The following BAHCC1 variants were observed in gnomAD, a reference collection of about 807,000 sequenced individuals.
BAHCC1 encodes the protein BAH and coiled-coil domain-containing protein 1.
Under a neutral mutation model 88.2 loss-of-function variants are expected in BAHCC1, and 43 were observed. The observed-to-expected ratio is 0.49, with a 90% CI of 0.38 to 0.63. BAHCC1 has a LOEUF of 0.63. BAHCC1 is among the 20% of genes least tolerant of loss of function. BAHCC1 has a pLI of 0.00. For missense variants in BAHCC1, 3,023 were observed against 1,654.8 expected (o/e 1.83, Z -14.34); for synonymous variants, 1,510 against 745.5 (o/e 2.03, Z -16.71).
intron 11 of BAHCC1, among the ~76,000 whole-genome samples, chr17:81,449,972 G>A (rs916523802): frequency 5.1e-4 from 78 of 152,218 alleles, no homozygotes; most frequent in Non-Finnish European, 8.4e-4. Flanking sequence ...TCTCAGGTGC[G>A]TGCCCCAGCT....
Position 81,399,516 on chromosome 17 carries a change from C to G in BAHCC1, c.-206-18C>G, listed in dbSNP as rs533193626. The G allele has an allele frequency of 2.9e-6, 1 of 342,344 alleles. No homozygotes were observed. The highest frequency in any genetic ancestry group is 2.3e-5 in the African/African-American group (1 of 44,414). The allele number at this position is 342,344 out of a possible 1,614,324, so 21.2% of individuals were successfully genotyped here. On this transcript the variant is annotated intron_variant, in intron 1 of 27. Coordinates refer to ENST00000675386, the MANE Select transcript of BAHCC1 (RefSeq NM_001377448.1). The surrounding 1 kb of genome is among the most constrained non-coding windows in gnomAD (Gnocchi z 4.5). The stretch of plus-strand genomic sequence containing the variant: ...AGCCCCCCAGTCACCCGTGTCTCCT[C>G]TGCTTTTGCCTCCACAGACCATGGA...
intron 26 of BAHCC1, 49 bp downstream of exon 26, chr17:81,462,095 G>C (rs1220316475): frequency 1.4e-6 from 1 of 691,052 alleles, no homozygotes; most frequent in Non-Finnish European, 2.6e-6. Context: ...AAGGAAACCG[G>C]GGCGGGCTCA....
intron 26 of BAHCC1, 174 bp from the exon 27 acceptor site, chr17:81,462,566 T>C: frequency 1.7e-6 from 1 of 584,276 alleles, no homozygotes; most frequent in South Asian, 2.1e-5. Flanking sequence ...TCCAGATCCA[T>C]GGCTGCCATG....
chr17:81,444,568 G>A lies in BAHCC1; in HGVS notation c.2512G>A (p.Gly838Ser), dbSNP rs782740635. Residue 838 changes from glycine (G) to serine (S), a missense_variant and splice_region_variant, in exon 7 of 28, where the codon GGC becomes AGC. Gly to Ser is a moderately conservative substitution (Grantham distance 56). Transcript: ENST00000675386. ...PSLWMGGHSY[G>S]LGHPALHQNL... ...CCTGTGGATGGGGGGGCACTCCTAC[G>A]GTCAGTGATCCAAGGGCGGGGGCTG... is the stretch of plus-strand genomic sequence containing the variant. The A allele has an allele frequency of 2.2e-5, 16 of 731,162 alleles. No individual in the cohort carries two copies. Among genetic ancestry groups the A allele is most frequent in the African/African-American group, 6.8e-5 (4 of 58,398 alleles). The allele number at this position is 731,162 out of a possible 1,614,324, so 45.3% of individuals were successfully genotyped here.
chr17:81,410,832 G>A (rs185167795), intron 2 of BAHCC1, among the ~76,000 whole-genome samples: 14 of 152,218 alleles, frequency 9.2e-5, no homozygotes, highest in African/African-American at 2.9e-4. Flanking sequence ...CCCCAGTCTC[G>A]GGGCGGGGGT....
chr17:81,420,710 G>T lies in BAHCC1; in HGVS notation c.179-6090G>T, dbSNP rs149742451. Among the ~76,000 whole-genome samples, 1,081 of 152,384 alleles carry T rather than the reference G, an allele frequency of 7.1e-3. 9 individuals are homozygous for T. Among genetic ancestry groups the T allele is most frequent in the Middle Eastern group, 0.024 (7 of 294 alleles). ...GGATCTAGAGCTGCAAACCCGGCCT[G>T]GGCCGGCTGGGCAGTGGGGGCAGCC... On this transcript the variant is annotated intron_variant, in intron 2 of 27. Transcript: ENST00000675386.
At position 81,427,341 on chromosome 17, in the gene BAHCC1, G is replaced by A. The variant is rs979187610; in HGVS notation, c.358+362G>A. On this transcript the variant is annotated intron_variant, in intron 3 of 27. Transcript: ENST00000675386. ...GTGGCCGTGCCCCACCTCCCCAGACGCTAGGAGGCGGGCTCCAAATGTGCC... is the reference window on the plus strand; with the variant it reads ...GTGGCCGTGCCCCACCTCCCCAGACACTAGGAGGCGGGCTCCAAATGTGCC... 4.6e-5 allele frequency among the ~76,000 whole-genome samples: 7 copies of A among 152,166 alleles called. No homozygotes were observed. In the East Asian group the frequency reaches 5.8e-4, roughly 13 times the overall value.
intron 2 of BAHCC1, among the ~76,000 whole-genome samples, chr17:81,418,784 TGTAC>T (rs2064069804): frequency 8.2e-6 from 1 of 121,598 alleles, no homozygotes; most frequent in African/African-American, 3.2e-5. Flanking sequence ...TACGTGTGTG[TGTAC>T]GTGTGTGCGT....
intron 1 of BAHCC1, among the ~76,000 whole-genome samples, chr17:81,398,646 G>A (rs1555645293): frequency 6.6e-6 from 1 of 152,242 alleles, no homozygotes; most frequent in South Asian, 2.1e-4. Flanking sequence ...ATCCGCAGAG[G>A]AAGATCCTGG....
At chr17:81,406,716 G>A (rs1284602050) in intron 2 of BAHCC1, among the ~76,000 whole-genome samples, 1 of 152,236 alleles carries the variant, frequency 6.6e-6, no homozygotes, top group Non-Finnish European at 1.5e-5. Context: ...CAGCTGCCGC[G>A]GGAGAATCCA....
At chr17:81,417,737 C>T (rs2064053638) in intron 2 of BAHCC1, among the ~76,000 whole-genome samples, 1 of 152,194 alleles carries the variant, frequency 6.6e-6, no homozygotes, top group Admixed American at 6.5e-5. Flanking sequence ...CAGAGTTTTC[C>T]TATTAAGGCC....
chr17:81,449,932 T>A (rs1390132947), intron 11 of BAHCC1, among the ~76,000 whole-genome samples: 3 of 152,144 alleles, frequency 2.0e-5, no homozygotes, highest in African/African-American at 7.2e-5. Context: ...TGCCCCAGCC[T>A]GGGCGCTCAG....
rs782609550 is a variant in BAHCC1 at position 81,458,741 on chromosome 17, T to G, written c.5448+16T>G. On this transcript the variant is annotated intron_variant, in intron 19 of 27. Transcript: ENST00000675386. ...CGGCAAGCAGGTAGCAGCCCCCCAC[T>G]CTGGGAGCCCACTGTGCACCCACCT... 1.4e-6 allele frequency: 1 copy of G among 740,234 alleles called. No homozygotes were observed. Among genetic ancestry groups the G allele is most frequent in the East Asian group, 2.6e-5 (1 of 39,080 alleles). The allele number at this position is 740,234 out of a possible 1,614,324, so 45.9% of individuals were successfully genotyped here.
intron 2 of BAHCC1, among the ~76,000 whole-genome samples, chr17:81,420,341 C>T (rs782275432): frequency 3.1e-4 from 47 of 152,260 alleles, no homozygotes; most frequent in Non-Finnish European, 6.2e-4. Context: ...CCTCCCCACA[C>T]AGCACCCCTG....
At position 81,461,676 on chromosome 17, in the gene BAHCC1, G is replaced by A; in HGVS notation, c.7013G>A (p.Cys2338Tyr). The change falls in exon 26 of 28, where the codon TGC becomes TAC. Residue 2338 changes from cysteine (C) to tyrosine (Y), a missense_variant. Cys to Tyr is a radical substitution (Grantham distance 194). Coordinates refer to ENST00000675386, the MANE Select transcript of BAHCC1 (RefSeq NM_001377448.1). ...SSGSVSTSSL[C>Y]SSDNEDSSYS... ...GGCTCCGTGTCCACCTCCAGCCTCT[G>A]CTCCTCCGACAACGAGGACTCGTCC... 4.1e-6 allele frequency: 3 copies of A among 725,194 alleles called. No homozygotes were observed. The highest frequency in any genetic ancestry group is 2.9e-5 in the South Asian group (2 of 68,120). The allele number at this position is 725,194 out of a possible 1,614,324, so 44.9% of individuals were successfully genotyped here. A position where few individuals can be genotyped will look rare whatever the true frequency, so the allele number is the denominator to read the frequency against.
At chr17:81,459,987 C>T (rs570928704) in intron 23 of BAHCC1, among the ~76,000 whole-genome samples, 3 of 152,194 alleles carry the variant, frequency 2.0e-5, no homozygotes, top group African/African-American at 4.8e-5. Context: ...GGGCGGGAGG[C>T]GCCTCCAGGC....
rs2064423521 is a variant in BAHCC1, at chr17:81,441,909, C to T, written c.560C>T (p.Ala187Val). ...CACAACTTCCCCAGCGTGGCCCGGG[C>T]CGCCCCTGCCCACCCCATGGGCTCC... ...ANHNFPSVAR[A>V]APAHPMGSCS... The change falls in exon 5 of 28, where the codon GCC (alanine) becomes GTC (valine). Residue 187 changes from alanine (A) to valine (V), a missense_variant. Coordinates refer to ENST00000675386, the MANE Select transcript of BAHCC1 (RefSeq NM_001377448.1). 2.9e-6 allele frequency: 2 copies of T among 691,060 alleles called. No individual in the cohort carries two copies. The highest frequency in any genetic ancestry group is 2.6e-5 in the East Asian group (1 of 38,814). The allele number at this position is 691,060 out of a possible 1,614,324, so 42.8% of individuals were successfully genotyped here.
chr17:81,415,705 C>T, intron 2 of BAHCC1: 1 of 365,290 alleles, frequency 2.7e-6, no homozygotes, highest in Non-Finnish European at 5.4e-6. Context: ...GCTCTCCCGG[C>T]CAACATAGCC....
At position 81,426,913 on chromosome 17, in the gene BAHCC1, C is replaced by G. The variant is rs1013216771; in HGVS notation, c.292C>G (p.Pro98Ala). The G allele has an allele frequency of 2.2e-4, 86 of 398,990 alleles. No individual in the cohort carries two copies. The highest frequency in any genetic ancestry group is 5.7e-4 in the East Asian group (16 of 28,098). 24.7% of individuals were successfully genotyped at this position (398,990 alleles called of 1,614,324 possible). A position where few individuals can be genotyped will look rare whatever the true frequency, so the allele number is the denominator to read the frequency against. The change falls in exon 3 of 28, where the codon CCT (proline) becomes GCT (alanine). Residue 98 changes from proline (P) to alanine (A), a missense_variant. Pro to Ala is a conservative substitution (Grantham distance 27, BLOSUM62 -1). Coordinates refer to ENST00000675386, the MANE Select transcript of BAHCC1 (RefSeq NM_001377448.1). ...CCCCAGCGGCCCCAGCTCCTCCCCC[C>G]CTGAGCAGGCCTACCGTGGCTCCCA... ...THPSGPSSSP[P>A]EQAYRGSHPT...
Sources: allele counts gnomAD v4.1 joint callset (sites outside exome capture counted in the v4.1 genomes callset), GRCh38; gene constraint gnomAD v4.1.1; non-coding constraint Gnocchi (gnomAD v3.1); transcripts MANE v1.5; gene names NCBI Gene and HGNC (gene_info 2026-07-23, HGNC 2026-07-21).